The following RAI1 variants were observed in gnomAD, a reference collection of about 807,000 sequenced individuals.
The protein encoded by RAI1 is retinoic acid-induced protein 1.
A neutral mutation model predicts 123.8 loss-of-function variants in RAI1; 9 were observed. That is an observed-to-expected ratio of 0.07 (90% CI 0.04 to 0.13). The LOEUF (loss-of-function observed/expected upper bound fraction) is 0.13, where lower values mean the gene tolerates loss of function less well. Ranked by LOEUF, RAI1 falls within the 10% of genes least tolerant of loss-of-function variation. The probability of loss-of-function intolerance (pLI) is 1.00; values close to 1 mark genes in which losing one functional copy is unlikely to be tolerated. For missense variants in RAI1, 2,256 were observed against 2,545.8 expected (o/e 0.89, Z 2.45); for synonymous variants, 1,231 against 1,127.3 (o/e 1.09, Z -1.84).
At chr17:17,802,170 G>A (rs1437190112) in intron 3 of RAI1, 1 of 470,802 alleles carries the variant, frequency 2.1e-6, no homozygotes, top group Non-Finnish European at 4.4e-6. Context: ...AGCTGGTCCA[G>A]GTGTGGGGCA....
chr17:17,726,816 C>T (rs1391596099), intron 2 of RAI1, among the ~76,000 whole-genome samples: 1 of 152,008 alleles, frequency 6.6e-6, no homozygotes, highest in Non-Finnish European at 1.5e-5. Context: ...CAGTCCTTTT[C>T]GACTCGGTGG....
At chr17:17,687,855 C>A (rs1914691393) in intron 1 of RAI1, among the ~76,000 whole-genome samples, 1 of 151,214 alleles carries the variant, frequency 6.6e-6, no homozygotes, top group Non-Finnish European at 1.5e-5. Context: ...CATGGCAAAA[C>A]CCCATCTCCA....
rs931068297 is a variant in RAI1 at position 17,797,906 on chromosome 17, C to G, written c.4958C>G (p.Pro1653Arg). ...GCCGGGGCCTCCCTGGCCACACTCCCTGGAGGCTCCATCCTGCAGCCGCGG... is the reference window on the plus strand; with the variant it reads ...GCCGGGGCCTCCCTGGCCACACTCCGTGGAGGCTCCATCCTGCAGCCGCGG... ...DAAGASLATL[P>R]GGSILQPRPS... The change falls in exon 3 of 6, where the codon CCT becomes CGT. Residue 1653 changes from proline (P) to arginine (R), a missense_variant. By Grantham distance (103) the Pro-to-Arg change is moderately radical. Around this residue, in one of 7 missense-constraint regions of RAI1, gnomAD observed 410 missense variants for 374.6 expected, o/e 1.09. Transcript: ENST00000353383. 6.2e-7 allele frequency: 1 copy of G among 1,614,018 alleles called. No homozygotes were observed. Among genetic ancestry groups the G allele is most frequent in the Admixed American group, 1.7e-5 (1 of 60,022 alleles).
chr17:17,773,841 A>C (rs1398882585), intron 2 of RAI1, among the ~76,000 whole-genome samples: 1 of 152,244 alleles, frequency 6.6e-6, no homozygotes. Context: ...CGAAGTTTCC[A>C]AACCTTATCC....
chr17:17,698,590 G>A (rs2142881920), intron 1 of RAI1, among the ~76,000 whole-genome samples: 1 of 152,340 alleles, frequency 6.6e-6, no homozygotes, highest in East Asian at 1.9e-4. Context: ...TGAGGGGGTG[G>A]GCCAGCCTCA....
At chr17:17,762,120 T>C (rs982150857) in intron 2 of RAI1, among the ~76,000 whole-genome samples, 1 of 152,284 alleles carries the variant, frequency 6.6e-6, no homozygotes, top group Non-Finnish European at 1.5e-5. Context: ...AGATGGACTC[T>C]GCCCTCACGG....
chr17:17,722,541 C>G (rs990294172), intron 1 of RAI1, among the ~76,000 whole-genome samples: 4 of 152,210 alleles, frequency 2.6e-5, no homozygotes, highest in Admixed American at 6.5e-5. Flanking sequence ...AACCTAGAGG[C>G]GCGGTTTGGC....
Position 17,795,349 on chromosome 17 carries a change from GAGA to G in RAI1, c.2404_2406del (p.Lys802del), listed in dbSNP as rs779691871. 52 of 1,600,844 alleles carry G rather than the reference GAGA, an allele frequency of 3.2e-5. No homozygotes were observed. Among genetic ancestry groups the G allele is most frequent in the African/African-American group, 1.5e-4 (11 of 74,506 alleles). On this transcript the variant is annotated inframe_deletion, in exon 3 of 6. Transcript: ENST00000353383. This position sits in a 1 kb window ranked among gnomAD's most constrained non-coding sequence, Gnocchi z 5.9. Reference sequence around the variant, plus strand: ...CTTCCAGGAGGAGGACCCCCCTGGGGAGAAGGTGGCCTCGTTGCCCGGGGACTT... The same window carrying G: ...CTTCCAGGAGGAGGACCCCCCTGGGGAGGTGGCCTCGTTGCCCGGGGACTT...
intron 2 of RAI1, among the ~76,000 whole-genome samples, chr17:17,760,912 G>A (rs2030667050): frequency 6.6e-6 from 1 of 152,202 alleles, no homozygotes; most frequent in Non-Finnish European, 1.5e-5. Context: ...TATAGGTGAT[G>A]GGCGTAGAGG....
chr17:17,768,730 G>T (rs188202166), intron 2 of RAI1, among the ~76,000 whole-genome samples: 1 of 152,236 alleles, frequency 6.6e-6, no homozygotes, highest in Non-Finnish European at 1.5e-5. Flanking sequence ...GGTTGGAATC[G>T]ATTGAAACCA....
Position 17,795,159 on chromosome 17 carries a change from A to G in RAI1, c.2211A>G (p.Ser737=). The change falls in exon 3 of 6, where the codon TCA becomes TCG. Residue 737 remains serine, a synonymous_variant. Transcript: ENST00000353383. The surrounding 1 kb of genome is among the most constrained non-coding windows in gnomAD (Gnocchi z 5.9). ...TCCCGGACACAACCGCTGCCAGCTCAGCGGACAGCGCCAACCCCTTTGCCT... is the reference window on the plus strand; with the variant it reads ...TCCCGGACACAACCGCTGCCAGCTCGGCGGACAGCGCCAACCCCTTTGCCT... ...DCFPDTTAAS[S]ADSANPFAWP... is the part of the protein sequence containing the mutation. 1 of 1,613,986 alleles carries G rather than the reference A, an allele frequency of 6.2e-7. No homozygotes were observed. Among genetic ancestry groups the G allele is most frequent in the Non-Finnish European group, 8.5e-7 (1 of 1,180,032 alleles).
chr17:17,773,158 T>C (rs1598069018), intron 2 of RAI1, among the ~76,000 whole-genome samples: 1 of 152,030 alleles, frequency 6.6e-6, no homozygotes, highest in Non-Finnish European at 1.5e-5. Flanking sequence ...AGAGGCCAGG[T>C]GGTCTATGAG....
chr17:17,792,623 G>A (rs1350993693), intron 2 of RAI1, among the ~76,000 whole-genome samples: 2 of 151,822 alleles, frequency 1.3e-5, no homozygotes, highest in East Asian at 1.9e-4. Context: ...CTGGGCAGCC[G>A]GTTTTGCCTC....
chr17:17,786,364 C>G (rs903125056), intron 2 of RAI1, among the ~76,000 whole-genome samples: 3 of 152,170 alleles, frequency 2.0e-5, no homozygotes, highest in African/African-American at 7.2e-5. Context: ...ATTTATTGTT[C>G]TGGACAATGG....
At position 17,794,706 on chromosome 17, in the gene RAI1, G is replaced by C. The variant is rs756134541; in HGVS notation, c.1758G>C (p.Lys586Asn). 1.2e-6 allele frequency: 2 copies of C among 1,612,972 alleles called. No individual in the cohort carries two copies. Among genetic ancestry groups the C allele is most frequent in the Admixed American group, 3.3e-5 (2 of 60,032 alleles). Reference protein sequence around the residue: ...HGSLPLDSFSKFVAGERDCPR... With the variant: ...HGSLPLDSFSNFVAGERDCPR... Reference sequence around the variant, plus strand: ...GTCTGCCGCTCGACAGCTTCTCCAAGTTCGTGGCGGGTGAGCGGGACTGTC... The same window carrying C: ...GTCTGCCGCTCGACAGCTTCTCCAACTTCGTGGCGGGTGAGCGGGACTGTC... Residue 586 changes from lysine (K) to asparagine (N), a missense_variant, in exon 3 of 6, where the codon AAG (lysine) becomes AAC (asparagine). By Grantham distance (94) the Lys-to-Asn change is moderately conservative. This residue lies in a region of RAI1 where 357 missense variants were observed against 480.2 expected (regional missense o/e 0.74). Transcript: ENST00000353383.
Position 17,793,859 on chromosome 17 carries a change from A to G in RAI1, c.911A>G (p.His304Arg). Residue 304 changes from histidine to arginine, a missense_variant, in exon 3 of 6, where the codon CAT (histidine) becomes CGT (arginine). Around this residue, in one of 7 missense-constraint regions of RAI1, gnomAD observed 357 missense variants for 480.2 expected, o/e 0.74. Coordinates refer to ENST00000353383, the MANE Select transcript of RAI1 (RefSeq NM_030665.4). ...QSRHHAQETLHYQNLAKYQHY... is the reference protein window; with the variant it reads ...QSRHHAQETLRYQNLAKYQHY... Reference sequence around the variant, plus strand: ...CGGCACCATGCCCAGGAAACCCTCCATTACCAAAACCTCGCCAAGTATCAG... The same window carrying G: ...CGGCACCATGCCCAGGAAACCCTCCGTTACCAAAACCTCGCCAAGTATCAG... 1 of 1,613,480 alleles carries G rather than the reference A, an allele frequency of 6.2e-7. No individual in the cohort carries two copies. The highest frequency in any genetic ancestry group is 1.1e-5 in the South Asian group (1 of 91,086).
chr17:17,715,397 G>C (rs1206042132), intron 1 of RAI1, among the ~76,000 whole-genome samples: 1 of 152,170 alleles, frequency 6.6e-6, no homozygotes, highest in Non-Finnish European at 1.5e-5. Flanking sequence ...CTCTCAAATG[G>C]GCTAAGGACA....
At chr17:17,723,358 G>A (rs1401108809) in intron 1 of RAI1, among the ~76,000 whole-genome samples, 5 of 116,670 alleles carry the variant, frequency 4.3e-5, no homozygotes, top group African/African-American at 1.5e-4. Flanking sequence ...CCCAAGCCCC[G>A]TGACATTCAC....
chr17:17,715,921 T>A (rs188064749), intron 1 of RAI1, among the ~76,000 whole-genome samples: 269 of 151,964 alleles, frequency 1.8e-3, no homozygotes, highest in African/African-American at 6.3e-3. Flanking sequence ...ATGTCAGGAG[T>A]GGAGGAGTGC....
Sources: allele counts gnomAD v4.1 joint callset (sites outside exome capture counted in the v4.1 genomes callset), GRCh38; gene constraint gnomAD v4.1.1; regional missense constraint gnomAD v4.1.1; non-coding constraint Gnocchi (gnomAD v3.1); transcripts MANE v1.5; gene names NCBI Gene and HGNC (gene_info 2026-07-23, HGNC 2026-07-21).